Variants in MIPEP observed in about 807,000 individuals in gnomAD.
MIPEP encodes mitochondrial intermediate peptidase.
A neutral mutation model predicts 90.3 loss-of-function variants in MIPEP; 79 were observed. The observed-to-expected ratio is 0.87, with a 90% CI of 0.73 to 1.05. The LOEUF (loss-of-function observed/expected upper bound fraction) is 1.05. MIPEP is among the 50% of genes least tolerant of loss of function. The pLI is 0.00. For synonymous variants in MIPEP, 334 were observed against 315.8 expected (o/e 1.06, Z -0.61); for missense variants, 940 against 905.6 (o/e 1.04, Z -0.49).
intron 1 of MIPEP, among the ~76,000 whole-genome samples, chr13:23,886,720 T>G (rs1251985513): frequency 2.5e-4 from 38 of 152,076 alleles, no homozygotes; most frequent in Non-Finnish European, 7.4e-5. Context: ...TCTTCAATTT[T>G]TAATTATTTT....
chr13:23,864,336 T>C, intron 7 of MIPEP, 147 bp from the exon 8 acceptor site: 1 of 597,012 alleles, frequency 1.7e-6, no homozygotes, highest in Non-Finnish European at 2.9e-6. Context: ...TACCAACATA[T>C]ACCAAACATA....
At chr13:23,860,722 T>C (rs1029067207) in intron 9 of MIPEP, among the ~76,000 whole-genome samples, 1 of 152,218 alleles carries the variant, frequency 6.6e-6, no homozygotes, top group Non-Finnish European at 1.5e-5. Flanking sequence ...ACCAATTCTA[T>C]GCCTAACACT....
intron 14 of MIPEP, among the ~76,000 whole-genome samples, chr13:23,821,701 T>C (rs931305414): frequency 6.6e-6 from 1 of 152,182 alleles, no homozygotes; most frequent in African/African-American, 2.4e-5. Flanking sequence ...AATCCATACA[T>C]GTTCAAGTCC....
intron 15 of MIPEP, among the ~76,000 whole-genome samples, chr13:23,809,082 A>T (rs558258324): frequency 2.0e-5 from 3 of 152,310 alleles, no homozygotes; most frequent in African/African-American, 7.2e-5. Context: ...TGTCATGCAG[A>T]CCTGGCATCC....
intron 14 of MIPEP, among the ~76,000 whole-genome samples, chr13:23,825,952 A>G (rs1868434854): frequency 6.6e-6 from 1 of 152,202 alleles, no homozygotes; most frequent in African/African-American, 2.4e-5. Context: ...AGCAGTAAAC[A>G]TTTTAGTGTA....
At chr13:23,879,132 T>C (rs1665550302) in intron 4 of MIPEP, 136 bp downstream of exon 4, 2 of 669,324 alleles carry the variant, frequency 3.0e-6, no homozygotes, top group Non-Finnish European at 2.7e-6. Context: ...CTAGAGAAAG[T>C]GCAGGAGTCA....
At chr13:23,859,045 A>G in intron 9 of MIPEP, 133 bp from the exon 10 acceptor site, 1 of 728,620 alleles carries the variant, frequency 1.4e-6, no homozygotes, top group Non-Finnish European at 2.3e-6. Flanking sequence ...GAATCCCTTA[A>G]AAAATTGATA....
At chr13:23,818,325 C>T (rs1349449243) in intron 14 of MIPEP, among the ~76,000 whole-genome samples, 1 of 151,900 alleles carries the variant, frequency 6.6e-6, no homozygotes, top group Non-Finnish European at 1.5e-5. Flanking sequence ...GAGGCTGAGG[C>T]ATGAGAATCG....
At chr13:23,750,291 C>T (rs1174698095) in intron 18 of MIPEP, among the ~76,000 whole-genome samples, 1 of 152,156 alleles carries the variant, frequency 6.6e-6, no homozygotes, top group Non-Finnish European at 1.5e-5. Context: ...CTGGTACGAT[C>T]AAAACTAGCT....
chr13:23,750,254 C>T (rs1411809173), intron 18 of MIPEP, among the ~76,000 whole-genome samples: 1 of 152,150 alleles, frequency 6.6e-6, no homozygotes, highest in East Asian at 1.9e-4. Context: ...ATATTGTTAG[C>T]TCCAGCTACA....
intron 16 of MIPEP, among the ~76,000 whole-genome samples, chr13:23,776,607 T>A (rs970105280): frequency 6.6e-6 from 1 of 152,140 alleles, no homozygotes; most frequent in Non-Finnish European, 1.5e-5. Context: ...GGAGAAGTGG[T>A]GGTGGGATTA....
intron 13 of MIPEP, among the ~76,000 whole-genome samples, 165 bp downstream of exon 13, chr13:23,837,387 C>G (rs981731555): frequency 6.6e-6 from 1 of 152,182 alleles, no homozygotes; most frequent in African/African-American, 2.4e-5. Flanking sequence ...CATGGAAGAT[C>G]AGGCTGCACA....
chr13:23,852,966 T>A (rs1022302682), intron 10 of MIPEP, among the ~76,000 whole-genome samples: 12 of 152,006 alleles, frequency 7.9e-5, no homozygotes, highest in Admixed American at 5.9e-4. Flanking sequence ...ACAAAAAAAA[T>A]TTTTAATAGA....
intron 16 of MIPEP, among the ~76,000 whole-genome samples, chr13:23,784,316 C>T (rs1176533742): frequency 1.1e-4 from 17 of 149,606 alleles, no homozygotes; most frequent in South Asian, 2.1e-4. Flanking sequence ...CAGAACAGAG[C>T]CCTCAGAAAT....
At chr13:23,809,499 C>G (rs1953148628) in intron 15 of MIPEP, among the ~76,000 whole-genome samples, 1 of 152,210 alleles carries the variant, frequency 6.6e-6, no homozygotes, top group African/African-American at 2.4e-5. Context: ...CATGCACCAC[C>G]ATGCCTGGCT....
intron 14 of MIPEP, among the ~76,000 whole-genome samples, chr13:23,835,389 T>C (rs1868990612): frequency 6.6e-6 from 1 of 152,156 alleles, no homozygotes; most frequent in African/African-American, 2.4e-5. Context: ...ATTACACATC[T>C]GGAGACATAA....
intron 16 of MIPEP, among the ~76,000 whole-genome samples, chr13:23,762,574 A>G (rs143435363): frequency 7.5e-4 from 114 of 152,252 alleles, no homozygotes; most frequent in Admixed American, 5.8e-3. Context: ...CTCTTTCTGT[A>G]AGAAGATATG....
intron 14 of MIPEP, among the ~76,000 whole-genome samples, chr13:23,833,824 G>T (rs1351000747): frequency 2.0e-5 from 3 of 151,988 alleles, no homozygotes; most frequent in African/African-American, 7.3e-5. Flanking sequence ...CGCGCCCCTC[G>T]CCAGACCCTC....
intron 5 of MIPEP, among the ~76,000 whole-genome samples, chr13:23,874,322 C>T (rs1167695742): frequency 1.3e-5 from 2 of 151,636 alleles, no homozygotes; most frequent in African/African-American, 4.8e-5. Context: ...AGAACACTGG[C>T]CATTTGTTAG....
Sources: allele counts gnomAD v4.1 joint callset (sites outside exome capture counted in the v4.1 genomes callset), GRCh38; gene constraint gnomAD v4.1.1; transcripts MANE v1.5; gene names NCBI Gene and HGNC (gene_info 2026-07-23, HGNC 2026-07-21).